WDPCP: variants seen among roughly 807,000 people sequenced by gnomAD.
WDPCP encodes WD repeat containing planar cell polarity effector.
WDPCP carries 71 observed loss-of-function variants against 93.1 expected under a neutral mutation model. The ratio of observed to expected loss-of-function variants is 0.76; its 90% CI spans 0.63 to 0.93. The LOEUF (loss-of-function observed/expected upper bound fraction) is 0.93. Among genes scored for constraint, WDPCP ranks in the 40% least tolerant of loss-of-function variants. The pLI, the probability that WDPCP is intolerant of heterozygous loss-of-function variation, is 0.00. For missense variants in WDPCP, 844 were observed against 887.4 expected (o/e 0.95, Z 0.62); for synonymous variants, 315 against 315.0 (o/e 1.00, Z 0.00).
chr2:63,214,097 A>C (rs1677089420), intron 14 of WDPCP, among the ~76,000 whole-genome samples: 1 of 152,238 alleles, frequency 6.6e-6, no homozygotes, highest in South Asian at 2.1e-4. Flanking sequence ...ATAGAAAAAG[A>C]GGAAATCCTC....
chr2:63,406,334 C>T (rs541153885), intron 9 of WDPCP, among the ~76,000 whole-genome samples: 5 of 152,282 alleles, frequency 3.3e-5, no homozygotes, highest in African/African-American at 1.2e-4. Flanking sequence ...CCAACTCCTT[C>T]CCTCCCTCAC....
At chr2:63,552,268 T>C (rs1376444617) in intron 1 of WDPCP, among the ~76,000 whole-genome samples, 2 of 151,272 alleles carry the variant, frequency 1.3e-5, no homozygotes, top group African/African-American at 4.9e-5. Context: ...TTTTCTCTAT[T>C]CTTTCTCTTT....
At chr2:63,839,240 C>A in the WDPCP span, among the ~76,000 whole-genome samples, 20 of 152,232 alleles carry the variant, frequency 1.3e-4, no homozygotes, top group Non-Finnish European at 2.5e-4. Flanking sequence ...AGTAACTGAT[C>A]ATCGTTTCTT....
At chr2:63,584,700 CTACAT>C (rs1708725825) in intron 1 of WDPCP, among the ~76,000 whole-genome samples, 2 of 152,028 alleles carry the variant, frequency 1.3e-5, no homozygotes, top group Admixed American at 1.3e-4. Context: ...AATGGAATTG[CTACAT>C]TACGTTTCCA....
intron 3 of WDPCP, chr2:63,605,184 G>C (rs529908389): frequency 1.2e-6 from 1 of 803,864 alleles, no homozygotes; most frequent in East Asian, 2.7e-5. Flanking sequence ...ATTAAGCTCT[G>C]GTCATAGCTT....
At chr2:63,365,565 G>A (rs1283902573) in intron 12 of WDPCP, among the ~76,000 whole-genome samples, 1 of 152,116 alleles carries the variant, frequency 6.6e-6, no homozygotes, top group East Asian at 1.9e-4. Flanking sequence ...TGATCTCTTA[G>A]GACTGGCATT....
chr2:63,156,391 C>A (rs1672251175), intron 15 of WDPCP, among the ~76,000 whole-genome samples: 1 of 152,136 alleles, frequency 6.6e-6, no homozygotes. Flanking sequence ...TTTGGAGCTA[C>A]TGTAATTTAA....
At chr2:63,786,972 T>C (rs923350276) in intron 2 of WDPCP, among the ~76,000 whole-genome samples, 49 of 152,318 alleles carry the variant, frequency 3.2e-4, no homozygotes, top group African/African-American at 1.2e-3. Flanking sequence ...AATGAACGAA[T>C]GACTGAGACA....
intron 12 of WDPCP, among the ~76,000 whole-genome samples, chr2:63,338,687 A>G (rs986262293): frequency 1.2e-4 from 17 of 147,812 alleles, no homozygotes; most frequent in African/African-American, 4.2e-4. Flanking sequence ...TGACTTGTCT[A>G]TAAAAGTGTG....
intron 12 of WDPCP, among the ~76,000 whole-genome samples, chr2:63,346,573 C>A (rs1395447954): frequency 6.6e-6 from 1 of 152,168 alleles, no homozygotes; most frequent in Non-Finnish European, 1.5e-5. Context: ...TAGGGCAGCT[C>A]CCTTTCTGGG....
At chr2:63,264,519 A>C (rs2104808857) in intron 13 of WDPCP, among the ~76,000 whole-genome samples, 1 of 152,330 alleles carries the variant, frequency 6.6e-6, no homozygotes, top group South Asian at 2.1e-4. Flanking sequence ...GGTTCAGTTC[A>C]TCAAGAAGTT....
chr2:63,821,486 T>C (rs1389269418), intron 1 of WDPCP, among the ~76,000 whole-genome samples: 2 of 152,278 alleles, frequency 1.3e-5, no homozygotes, highest in East Asian at 3.9e-4. Context: ...TGAGACCAGA[T>C]AGTGAAAGGT....
chr2:63,551,615 C>G (rs574645579), intron 1 of WDPCP, among the ~76,000 whole-genome samples: 1 of 152,248 alleles, frequency 6.6e-6, no homozygotes, highest in Admixed American at 6.5e-5. Flanking sequence ...TATAAATTAC[C>G]AGCCTCAGAT....
chr2:63,180,252 T>C (rs1008388351), intron 14 of WDPCP, among the ~76,000 whole-genome samples: 19 of 152,288 alleles, frequency 1.2e-4, no homozygotes, highest in African/African-American at 4.3e-4. Flanking sequence ...TACATGGATA[T>C]ACTGTGTAGT....
chr2:63,264,455 C>A (rs1234522862), intron 13 of WDPCP, among the ~76,000 whole-genome samples: 1 of 152,096 alleles, frequency 6.6e-6, no homozygotes, highest in Non-Finnish European at 1.5e-5. Flanking sequence ...CTGGCTAACA[C>A]AGTGAAACCC....
At chr2:63,225,048 A>C (rs1678166325) in intron 14 of WDPCP, among the ~76,000 whole-genome samples, 1 of 150,982 alleles carries the variant, frequency 6.6e-6, no homozygotes, top group Admixed American at 6.6e-5. Context: ...CTGTGAACCT[A>C]CAATGACTAA....
At chr2:63,544,760 A>G (rs1295270445) in intron 1 of WDPCP, among the ~76,000 whole-genome samples, 1 of 152,160 alleles carries the variant, frequency 6.6e-6, no homozygotes. Flanking sequence ...TTTCCTCAAT[A>G]GTTATTAGAT....
chr2:63,319,321 T>A (rs941917070), intron 12 of WDPCP, among the ~76,000 whole-genome samples: 3 of 152,196 alleles, frequency 2.0e-5, no homozygotes, highest in Non-Finnish European at 4.4e-5. Context: ...CTAGTTTCAA[T>A]CTTCTGTATA....
In WDPCP at chr2:63,147,967, CAA is replaced by C. The variant is rs11331152; in HGVS notation, c.2190+4945_2190+4946del. 2.7e-3 allele frequency among the ~76,000 whole-genome samples: 238 copies of C among 87,484 alleles called. 1 individual carries two copies. Among genetic ancestry groups the C allele is most frequent in the Middle Eastern group, 6.8e-3 (1 of 146 alleles). 57.4% of individuals were successfully genotyped at this position (87,484 alleles called of 152,430 possible). A position where few individuals can be genotyped will look rare whatever the true frequency, so the allele number is the denominator to read the frequency against. On this transcript the variant is annotated intron_variant, in intron 17 of 17. Coordinates refer to ENST00000272321, the MANE Select transcript of WDPCP (RefSeq NM_015910.7). The stretch of plus-strand genomic sequence containing the variant: ...TGGGTGACAGAGTAAGACTCTGTCT[CAA>C]AAAAAAAAAAAAAAAAAAACTTACA...
Sources: allele counts gnomAD v4.1 joint callset (sites outside exome capture counted in the v4.1 genomes callset), GRCh38; gene constraint gnomAD v4.1.1; transcripts MANE v1.5; gene names NCBI Gene and HGNC (gene_info 2026-07-23, HGNC 2026-07-21).